The following SESTD1 variants were observed in gnomAD, a reference collection of about 807,000 sequenced individuals.
SESTD1 encodes SEC14 and spectrin domain containing 1.
Under a neutral mutation model 101.7 loss-of-function variants are expected in SESTD1, and 43 were observed. That is an observed-to-expected ratio of 0.42 (90% CI 0.33 to 0.55). The LOEUF (loss-of-function observed/expected upper bound fraction) is 0.55, where lower values mean the gene tolerates loss of function less well. Ranked by LOEUF, SESTD1 falls within the 20% of genes least tolerant of loss-of-function variation. The pLI is 0.07. For missense variants in SESTD1, 647 were observed against 815.1 expected, an observed-to-expected ratio of 0.79 and a Z score of 2.51; for synonymous variants, 283 against 286.8, an observed-to-expected ratio of 0.99 and a Z score of 0.13.
At chr2:179,242,658 A>G (rs1348416280) in intron 1 of SESTD1, among the ~76,000 whole-genome samples, 1 of 152,048 alleles carries the variant, frequency 6.6e-6, no homozygotes, top group East Asian at 1.9e-4. Flanking sequence ...CAAAATAAAG[A>G]CAAACCTCAG....
At chr2:179,229,774 T>TATATATATAC (rs1324308376) in intron 1 of SESTD1, among the ~76,000 whole-genome samples, 1 of 115,042 alleles carries the variant, frequency 8.7e-6, no homozygotes, top group African/African-American at 4.0e-5. Context: ...TATATATATA[T>TATATATATAC]ACTCAAATAC....
intron 1 of SESTD1, among the ~76,000 whole-genome samples, chr2:179,220,756 TTCCTC>T (rs1444740866): frequency 6.6e-6 from 1 of 152,162 alleles, no homozygotes; most frequent in Non-Finnish European, 1.5e-5. Context: ...CTGTAGGTGT[TTCCTC>T]TCCTCTTCTT....
At chr2:179,175,114 T>TA (rs959751349) in intron 4 of SESTD1, among the ~76,000 whole-genome samples, 1 of 152,156 alleles carries the variant, frequency 6.6e-6, no homozygotes, top group African/African-American at 2.4e-5. Context: ...GGGGCTTACT[T>TA]AGACTATACT....
At chr2:179,251,051 T>C (rs1205746018) in intron 1 of SESTD1, among the ~76,000 whole-genome samples, 1 of 152,126 alleles carries the variant, frequency 6.6e-6, no homozygotes, top group African/African-American at 2.4e-5. Context: ...GTGAATAAAC[T>C]GTGGTACATC....
At chr2:179,261,717 A>AC (rs1307463728) in intron 1 of SESTD1, among the ~76,000 whole-genome samples, 5 of 151,980 alleles carry the variant, frequency 3.3e-5, no homozygotes, top group Non-Finnish European at 5.9e-5. Context: ...AAGGAATGTA[A>AC]CCCTTCTAGC....
At chr2:179,174,764 C>G (rs1171125262) in intron 4 of SESTD1, among the ~76,000 whole-genome samples, 1 of 151,894 alleles carries the variant, frequency 6.6e-6, no homozygotes, top group African/African-American at 2.4e-5. Flanking sequence ...AGTTTGAGAC[C>G]AGCTGGAGCA....
rs769332057 is a variant in SESTD1 at position 179,143,663 on chromosome 2, G to A, written c.778C>T (p.Arg260Cys). ...CGTTGCCTACAAACTTCCTGGTAGC[G>A]GGTATATTGCTCTCGGAGTGAATCT... ...LLDSLREQYT[R>C]YQEVCRQRSK... The change falls in exon 9 of 18, where the codon CGC becomes TGC. Residue 260 changes from arginine (R) to cysteine (C), a missense_variant. Arg to Cys is a radical substitution (Grantham distance 180). Around this residue, in one of 3 missense-constraint regions of SESTD1, gnomAD observed 476 missense variants for 562.6 expected, o/e 0.85. Coordinates refer to ENST00000428443, the MANE Select transcript of SESTD1 (RefSeq NM_178123.5). 22 of 1,613,918 alleles carry A rather than the reference G, an allele frequency of 1.4e-5. 1 individual carries two copies. The highest frequency in any genetic ancestry group is 1.4e-5 in the Non-Finnish European group (17 of 1,179,910).
At chr2:179,115,633 A>AGCTACCTTG (rs2044613007) in intron 15 of SESTD1, among the ~76,000 whole-genome samples, 2 of 152,112 alleles carry the variant, frequency 1.3e-5, no homozygotes, top group South Asian at 2.1e-4. Flanking sequence ...CTGTAGTCCT[A>AGCTACCTTG]GCTACCTTGG....
intron 2 of SESTD1, among the ~76,000 whole-genome samples, chr2:179,186,226 T>C (rs2046230395): frequency 6.6e-6 from 1 of 151,830 alleles, no homozygotes; most frequent in Non-Finnish European, 1.5e-5. Context: ...TAACTCTGAG[T>C]TGGCAGAGCT....
At chr2:179,138,379 A>C (rs1465687439) in intron 9 of SESTD1, among the ~76,000 whole-genome samples, 1 of 152,208 alleles carries the variant, frequency 6.6e-6, no homozygotes, top group Non-Finnish European at 1.5e-5. Context: ...ACAGCCAGCC[A>C]TGAATTGTCA....
At chr2:179,186,872 G>C (rs561157522) in intron 2 of SESTD1, among the ~76,000 whole-genome samples, 21 of 151,752 alleles carry the variant, frequency 1.4e-4, no homozygotes, top group Non-Finnish European at 4.4e-5. Flanking sequence ...AAGGAGGCTA[G>C]AGAAGAGTCA....
At chr2:179,180,023 A>G (rs144245546) in intron 3 of SESTD1, among the ~76,000 whole-genome samples, 11 of 152,310 alleles carry the variant, frequency 7.2e-5, no homozygotes, top group Middle Eastern at 3.4e-3. Context: ...TTTGTAAAGT[A>G]TCACCACTCT....
intron 1 of SESTD1, among the ~76,000 whole-genome samples, chr2:179,196,685 C>G (rs1349271011): frequency 1.3e-5 from 2 of 152,188 alleles, no homozygotes; most frequent in Non-Finnish European, 2.9e-5. Flanking sequence ...GAGGCACCCC[C>G]CAGAAGGGGC....
chr2:179,242,310 C>T (rs1458577091), intron 1 of SESTD1, among the ~76,000 whole-genome samples: 3 of 152,032 alleles, frequency 2.0e-5, no homozygotes, highest in African/African-American at 7.2e-5. Context: ...ACTACTTAAA[C>T]AAGTTATAGA....
chr2:179,163,572 T>C (rs537184139), intron 5 of SESTD1, among the ~76,000 whole-genome samples: 3 of 145,168 alleles, frequency 2.1e-5, no homozygotes, highest in South Asian at 4.2e-4. Flanking sequence ...TATATATATA[T>C]AAAAGAAGGA....
chr2:179,168,010 G>A (rs1289390092), intron 5 of SESTD1, among the ~76,000 whole-genome samples: 2 of 152,120 alleles, frequency 1.3e-5, no homozygotes, highest in Non-Finnish European at 2.9e-5. Context: ...GTGATCCACT[G>A]CCTTGGCCTC....
chr2:179,196,399 C>T (rs535267493), intron 1 of SESTD1, among the ~76,000 whole-genome samples: 1 of 152,376 alleles, frequency 6.6e-6, no homozygotes, highest in East Asian at 1.9e-4. Context: ...AGCCATTGCC[C>T]AGGCTTGCTT....
chr2:179,221,415 C>CCT (rs1402081576), intron 1 of SESTD1, among the ~76,000 whole-genome samples: 4 of 151,864 alleles, frequency 2.6e-5, no homozygotes, highest in Non-Finnish European at 5.9e-5. Context: ...GCGTTCAAGA[C>CCT]CAGCCTGGCC....
intron 1 of SESTD1, among the ~76,000 whole-genome samples, chr2:179,195,493 G>A (rs763476490): frequency 1.3e-5 from 2 of 152,144 alleles, no homozygotes; most frequent in Non-Finnish European, 2.9e-5. Flanking sequence ...TTTCTTTATA[G>A]CAGTGTGAAA....
Sources: allele counts gnomAD v4.1 joint callset (sites outside exome capture counted in the v4.1 genomes callset), GRCh38; gene constraint gnomAD v4.1.1; regional missense constraint gnomAD v4.1.1; transcripts MANE v1.5; gene names NCBI Gene and HGNC (gene_info 2026-07-23, HGNC 2026-07-21).